NPHP4: variants seen among roughly 807,000 people sequenced by gnomAD.
NPHP4 encodes nephrocystin 4.
In NPHP4, 151 loss-of-function variants were observed where a neutral mutation model predicts 155.8. The ratio of observed to expected loss-of-function variants is 0.97; its 90% CI spans 0.85 to 1.11. The LOEUF (loss-of-function observed/expected upper bound fraction) is 1.11, where lower values mean the gene tolerates loss of function less well. NPHP4 is among the 50% of genes least tolerant of loss of function. NPHP4 has a pLI of 0.00. For synonymous variants in NPHP4, 845 were observed against 816.8 expected (o/e 1.03, Z -0.59); for missense variants, 1,956 against 1,925.7 (o/e 1.02, Z -0.29).
intron 16 of NPHP4, among the ~76,000 whole-genome samples, chr1:5,900,861 T>C (rs1338299606): frequency 3.3e-5 from 5 of 151,866 alleles, no homozygotes. Flanking sequence ...CAAAACCCCA[T>C]CTCTACAAAA....
intron 6 of NPHP4, 83 bp from the exon 7 acceptor site, chr1:5,952,919 G>A: frequency 7.4e-7 from 1 of 1,357,216 alleles, no homozygotes; most frequent in Non-Finnish European, 1.0e-6. Context: ...ACCCACCCCA[G>A]CCTCAGCCGG....
At chr1:5,929,906 T>G (rs1466995705) in intron 10 of NPHP4, among the ~76,000 whole-genome samples, 3 of 152,226 alleles carry the variant, frequency 2.0e-5, no homozygotes, top group Non-Finnish European at 4.4e-5. Context: ...ACATGTCTAA[T>G]AGAATTCATA....
intron 16 of NPHP4, among the ~76,000 whole-genome samples, chr1:5,898,663 T>G (rs1189870371): frequency 6.6e-6 from 1 of 152,258 alleles, no homozygotes; most frequent in Non-Finnish European, 1.5e-5. Flanking sequence ...CACCTGAGTC[T>G]CTGGCAATGT....
intron 17 of NPHP4, chr1:5,888,273 G>A (rs1028578249): frequency 4.4e-6 from 4 of 914,894 alleles, no homozygotes; most frequent in Admixed American, 6.2e-5. Flanking sequence ...TGAGGCATGT[G>A]GGGGATGACA....
chr1:5,987,724 G>A lies in NPHP4; in HGVS notation c.-38-1397C>T, dbSNP rs148881098. Reference sequence around the variant, plus strand: ...AAACTGAAAGGCAACAGTCATCCCCGGGGAAGCCTGGCTGTGACTGGGCTG... The same window carrying A: ...AAACTGAAAGGCAACAGTCATCCCCAGGGAAGCCTGGCTGTGACTGGGCTG... On this transcript the variant is annotated intron_variant, in intron 1 of 29. Transcript: ENST00000378156. Among the ~76,000 whole-genome samples, 350 of 152,276 alleles carry A rather than the reference G, an allele frequency of 2.3e-3. 1 individual carries two copies. Among genetic ancestry groups the A allele is most frequent in the African/African-American group, 8.2e-3 (339 of 41,552 alleles).
chr1:5,914,154 T>G (rs1645333378), intron 11 of NPHP4, among the ~76,000 whole-genome samples: 1 of 149,386 alleles, frequency 6.7e-6, no homozygotes, highest in Non-Finnish European at 1.5e-5. Flanking sequence ...ACATGGTAGC[T>G]CATGCCTATA....
rs576902772 is a variant in NPHP4, at chr1:5,883,879, G to A, written c.2485+3407C>T. Among the ~76,000 whole-genome samples the A allele has an allele frequency of 3.4e-3, 521 of 152,304 alleles. 4 individuals are homozygous for A. Among genetic ancestry groups the A allele is most frequent in the African/African-American group, 0.012 (498 of 41,564 alleles). On this transcript the variant is annotated intron_variant, in intron 18 of 29. Coordinates refer to ENST00000378156, the MANE Select transcript of NPHP4 (RefSeq NM_015102.5). ...GAGTGTGGCAAGGCCAACTGGGCCT[G>A]GGGCAGGCGACCAGCATTCTTGGAG...
chr1:5,986,396 C>G, intron 1 of NPHP4, 69 bp from the exon 2 acceptor site: 1 of 1,261,694 alleles, frequency 7.9e-7, no homozygotes, highest in Admixed American at 2.7e-5. Context: ...ATCCTGAAGG[C>G]TTCTGCCTCC....
At chr1:5,981,395 G>A (rs906237877) in intron 2 of NPHP4, among the ~76,000 whole-genome samples, 4 of 152,098 alleles carry the variant, frequency 2.6e-5, no homozygotes, top group African/African-American at 7.2e-5. Context: ...CTAACATATC[G>A]TGGTGCCCAA....
chr1:5,919,454 G>A (rs1409724289), intron 11 of NPHP4, among the ~76,000 whole-genome samples: 2 of 152,134 alleles, frequency 1.3e-5, no homozygotes, highest in African/African-American at 4.8e-5. Flanking sequence ...TCACGTATTT[G>A]GTAGTTTGTT....
intron 9 of NPHP4, among the ~76,000 whole-genome samples, chr1:5,935,182 C>A (rs1646475311): frequency 6.6e-6 from 1 of 152,204 alleles, no homozygotes; most frequent in South Asian, 2.1e-4. Context: ...CCTGTTATAT[C>A]CTAATAAAAA....
intron 16 of NPHP4, among the ~76,000 whole-genome samples, chr1:5,898,067 TG>T (rs988158543): frequency 6.6e-6 from 1 of 152,178 alleles, no homozygotes; most frequent in African/African-American, 2.4e-5. Flanking sequence ...GAGGCTGGTC[TG>T]ATGGAGATGC....
Position 5,944,957 on chromosome 1 carries a change from T to C in NPHP4, c.1119+2147A>G, listed in dbSNP as rs1234608228. ...TGAGGGGCGACAGAGTGAGACTCTG[T>C]CTCGAAAAGAGAAGAGAAGAGAAAT... On this transcript the variant is annotated intron_variant, in intron 9 of 29. Coordinates refer to ENST00000378156, the MANE Select transcript of NPHP4 (RefSeq NM_015102.5). The surrounding 1 kb of genome is among the most constrained non-coding windows in gnomAD (Gnocchi z 4.3). Among the ~76,000 whole-genome samples the C allele has an allele frequency of 6.6e-6, 1 of 152,018 alleles. No homozygotes were observed. Among genetic ancestry groups the C allele is most frequent in the East Asian group, 1.9e-4 (1 of 5,178 alleles).
chr1:5,909,391 G>A (rs1354322859), intron 11 of NPHP4, among the ~76,000 whole-genome samples, 178 bp from the exon 12 acceptor site: 5 of 152,170 alleles, frequency 3.3e-5, no homozygotes, highest in Non-Finnish European at 4.4e-5. Flanking sequence ...CAAAAGTGTC[G>A]CTGTCTATCT....
At position 5,872,935 on chromosome 1, in the gene NPHP4, G is replaced by A. The variant is rs183656222; in HGVS notation, c.3315+317C>T. Reference sequence around the variant, plus strand: ...ACTCACACACCAGGGAATGCTCTGCGTGAGGCTCAAGGAGTGGCCGCAGGC... The same window carrying A: ...ACTCACACACCAGGGAATGCTCTGCATGAGGCTCAAGGAGTGGCCGCAGGC... On this transcript the variant is annotated intron_variant, in intron 23 of 29. Coordinates refer to ENST00000378156, the MANE Select transcript of NPHP4 (RefSeq NM_015102.5). 1.1e-3 allele frequency among the ~76,000 whole-genome samples: 165 copies of A among 152,336 alleles called. 1 individual carries two copies. The highest frequency in any genetic ancestry group is 1.8e-3 in the Non-Finnish European group (125 of 68,018).
chr1:5,983,615 C>T (rs1557891248), intron 2 of NPHP4, among the ~76,000 whole-genome samples: 1 of 152,190 alleles, frequency 6.6e-6, no homozygotes, highest in Non-Finnish European at 1.5e-5. Flanking sequence ...GCTCTGTATC[C>T]TTCTGCTGGA....
Position 5,864,320 on chromosome 1 carries a change from C to G in NPHP4, c.3996+18G>C. Reference sequence around the variant, plus strand: ...TGAGCCCCCATCCCCTCAGCCTGTGCCTGCCACACATACAGACCTTGGAGA... The same window carrying G: ...TGAGCCCCCATCCCCTCAGCCTGTGGCTGCCACACATACAGACCTTGGAGA... On this transcript the variant is annotated intron_variant, in intron 28 of 29. Coordinates refer to ENST00000378156, the MANE Select transcript of NPHP4 (RefSeq NM_015102.5). 1 of 1,581,420 alleles carries G rather than the reference C, an allele frequency of 6.3e-7. No homozygotes were observed.
At chr1:5,936,423 G>A (rs190862671) in intron 9 of NPHP4, among the ~76,000 whole-genome samples, 14 of 152,146 alleles carry the variant, frequency 9.2e-5, no homozygotes, top group Admixed American at 5.9e-4. Flanking sequence ...AGTCTAACAC[G>A]CTCCTACAGC....
chr1:5,982,628 A>C (rs1317695290), intron 2 of NPHP4, among the ~76,000 whole-genome samples: 4 of 152,206 alleles, frequency 2.6e-5, no homozygotes, highest in African/African-American at 9.7e-5. Flanking sequence ...TAGGTTGTTA[A>C]GGAGGAAACA....
Sources: gnomAD v4.1 joint callset for allele counts (sites outside exome capture counted in the v4.1 genomes callset) on GRCh38, gnomAD v4.1.1 for gene constraint, Gnocchi (gnomAD v3.1) non-coding constraint, MANE v1.5 for transcripts, NCBI Gene and HGNC (gene_info 2026-07-23, HGNC 2026-07-21) for gene names.